CDCP1: variants seen among roughly 807,000 people sequenced by gnomAD.
The protein encoded by CDCP1 is CUB domain-containing protein 1.
In CDCP1, 29 loss-of-function variants were observed where a neutral mutation model predicts 60.2. The observed-to-expected ratio is 0.48, with a 90% CI of 0.36 to 0.66. CDCP1 has a LOEUF of 0.66. Ranked by LOEUF, CDCP1 falls within the 30% of genes least tolerant of loss-of-function variation. CDCP1 has a pLI of 0.00. For missense variants in CDCP1, 876 were observed against 1,074.3 expected (o/e 0.82, Z 2.58); for synonymous variants, 387 against 431.1 (o/e 0.90, Z 1.27).
At chr3:45,117,427 G>C (rs1257387277) in intron 2 of CDCP1, among the ~76,000 whole-genome samples, 3 of 151,902 alleles carry the variant, frequency 2.0e-5, no homozygotes, top group African/African-American at 7.3e-5. Context: ...TTATAGACTA[G>C]AAAACTAAGG....
rs763088292 is a variant in CDCP1 at position 45,118,402 on chromosome 3, G to A, written c.292+10C>T. 37 of 1,596,914 alleles carry A rather than the reference G, an allele frequency of 2.3e-5. 1 individual carries two copies. In the South Asian group the frequency reaches 3.4e-4, roughly 15 times the overall value. ...AGACATTGTCAAACAGCTCACAAGT[G>A]TCTACTTACCAATATTTTTCTGGAT... On this transcript the variant is annotated intron_variant, in intron 2 of 8. Coordinates refer to ENST00000296129, the MANE Select transcript of CDCP1 (RefSeq NM_022842.5).
At chr3:45,117,430 A>T (rs1394742886) in intron 2 of CDCP1, among the ~76,000 whole-genome samples, 1 of 152,134 alleles carries the variant, frequency 6.6e-6, no homozygotes, top group Non-Finnish European at 1.5e-5. Context: ...TAGACTAGAA[A>T]ACTAAGGCAT....
intron 1 of CDCP1, among the ~76,000 whole-genome samples, chr3:45,131,011 C>A (rs554030226): frequency 6.6e-6 from 1 of 152,040 alleles, no homozygotes. Context: ...GGACCACCAG[C>A]GAATGACACC....
chr3:45,083,430 G>A lies in CDCP1; in HGVS notation c.*2208C>T, dbSNP rs1006718950. Reference sequence around the variant, plus strand: ...TTATGCCATGTGAACAAGTTGAGGCGGTGCATTTCCAAGGTGAATTCATTG... The same window carrying A: ...TTATGCCATGTGAACAAGTTGAGGCAGTGCATTTCCAAGGTGAATTCATTG... On this transcript the variant is annotated 3_prime_UTR_variant, in exon 9 of 9. Coordinates refer to ENST00000296129, the MANE Select transcript of CDCP1 (RefSeq NM_022842.5). 10 of 152,250 alleles carry A rather than the reference G, an allele frequency of 6.6e-5. No individual in the cohort carries two copies. The highest frequency in any genetic ancestry group is 1.9e-4 in the East Asian group (1 of 5,184). 9.4% of individuals were successfully genotyped at this position (152,250 alleles called of 1,614,324 possible). A position where few individuals can be genotyped will look rare whatever the true frequency, so the allele number is the denominator to read the frequency against.
intron 1 of CDCP1, among the ~76,000 whole-genome samples, chr3:45,133,405 A>T (rs1168238170): frequency 6.8e-6 from 1 of 148,092 alleles, no homozygotes; most frequent in Admixed American, 6.8e-5. Flanking sequence ...GGCAATTTGT[A>T]TGCAGCAATA....
chr3:45,126,142 C>CTTTCTTTCTTTCTTTCTTTCTT (rs1698986327), intron 1 of CDCP1, among the ~76,000 whole-genome samples: 7 of 140,066 alleles, frequency 5.0e-5, no homozygotes, highest in African/African-American at 1.1e-4. Context: ...TTCTTTCTTT[C>CTTTCTTTCTTTCTTTCTTTCTT]TTTCTTTCTT....
chr3:45,086,723 T>C (rs569233534), intron 8 of CDCP1, among the ~76,000 whole-genome samples: 1 of 152,368 alleles, frequency 6.6e-6, no homozygotes, highest in African/African-American at 2.4e-5. Flanking sequence ...GCCAGAGTTC[T>C]TCAATAACAC....
At chr3:45,138,705 C>T (rs979150561) in intron 1 of CDCP1, among the ~76,000 whole-genome samples, 3 of 151,954 alleles carry the variant, frequency 2.0e-5, no homozygotes, top group African/African-American at 2.4e-5. Context: ...AAAAATTAGC[C>T]GGAGGTGGTG....
intron 8 of CDCP1, among the ~76,000 whole-genome samples, 159 bp from the exon 9 acceptor site, chr3:45,086,226 C>T (rs1157023463): frequency 6.6e-6 from 1 of 152,192 alleles, no homozygotes; most frequent in Non-Finnish European, 1.5e-5. Context: ...AACTACTGTC[C>T]TCAGTGAACA....
chr3:45,093,393 A>G lies in CDCP1; in HGVS notation c.1511T>C (p.Ile504Thr), dbSNP rs1300394326. 5 of 1,613,946 alleles carry G rather than the reference A, an allele frequency of 3.1e-6. No homozygotes were observed. In the African/African-American group the frequency reaches 6.7e-5, roughly 22 times the overall value. Residue 504 changes from isoleucine (I) to threonine (T), a missense_variant, in exon 6 of 9, where the codon ATC becomes ACC. Around this residue, in one of 2 missense-constraint regions of CDCP1, gnomAD observed 726 missense variants for 935.7 expected, o/e 0.78. Coordinates refer to ENST00000296129, the MANE Select transcript of CDCP1 (RefSeq NM_022842.5). Reference sequence around the variant, plus strand: ...GTTCTGCTTCACCTGGATCTGCTTGATAGAGCCTCCCGGGCAGAAGGAGCC... The same window carrying G: ...GTTCTGCTTCACCTGGATCTGCTTGGTAGAGCCTCCCGGGCAGAAGGAGCC... ...YFGSFCPGGS[I>T]KQIQVKQNIS...
At chr3:45,118,336 A>T in intron 2 of CDCP1, 76 bp downstream of exon 2, 1 of 1,087,344 alleles carries the variant, frequency 9.2e-7, no homozygotes, top group East Asian at 2.4e-5. Flanking sequence ...AGACTGACTT[A>T]GCATGGGAAA....
At chr3:45,106,196 C>A (rs1698562632) in intron 4 of CDCP1, among the ~76,000 whole-genome samples, 1 of 152,132 alleles carries the variant, frequency 6.6e-6, no homozygotes, top group Non-Finnish European at 1.5e-5. Flanking sequence ...TTCAAGGTAA[C>A]ACCTGTCTGT....
chr3:45,103,476 T>C (rs1169902398), intron 4 of CDCP1, among the ~76,000 whole-genome samples: 1 of 152,202 alleles, frequency 6.6e-6, no homozygotes, highest in Non-Finnish European at 1.5e-5. Flanking sequence ...GACACATAGT[T>C]TCCTTTCTCT....
intron 4 of CDCP1, among the ~76,000 whole-genome samples, chr3:45,097,508 A>T (rs912443630): frequency 5.5e-5 from 4 of 72,322 alleles, no homozygotes; most frequent in Admixed American, 1.2e-4. Flanking sequence ...TCTTTTGTTT[A>T]AAAAAAAAAA....
Position 45,095,417 on chromosome 3 carries a change from G to A in CDCP1, c.1176C>T (p.Gly392=), listed in dbSNP as rs1470519510. 1.9e-6 allele frequency: 3 copies of A among 1,614,180 alleles called. No individual in the cohort carries two copies. Among genetic ancestry groups the A allele is most frequent in the South Asian group, 2.2e-5 (2 of 91,082 alleles). ...TCSSNLTLTS[G]SKHKISFLCD... is the part of the protein sequence containing the mutation. ...AAAGGAAGGAGATTTTGTGTTTGGA[G>A]CCAGATGTCAGGGTGAGGTTGCTAC... Residue 392 remains glycine (G), a synonymous_variant, in exon 5 of 9, where the codon GGC becomes GGT. Coordinates refer to ENST00000296129, the MANE Select transcript of CDCP1 (RefSeq NM_022842.5).
At chr3:45,130,036 C>CACACACACACAATATG (rs60388208) in intron 1 of CDCP1, among the ~76,000 whole-genome samples, 10,831 of 151,654 alleles carry the variant, frequency 0.071, 855 homozygotes, top group African/African-American at 0.2. Flanking sequence ...ACAAGACACA[C>CACACACACACAATATG]ACACACACAC....
At position 45,091,369 on chromosome 3, in the gene CDCP1, G is replaced by A; in HGVS notation, c.1797C>T (p.Cys599=). The part of the protein sequence containing the change: ...TFFKERSGVV[C]QTGRAFMIIQ... The stretch of plus-strand genomic sequence containing the variant: ...TGATCATGAATGCGCGCCCTGTCTG[G>A]CAGACCACGCCGCTCCGCTCCTTAA... The change falls in exon 7 of 9, where the codon TGC becomes TGT. Residue 599 remains cysteine (C), a synonymous_variant. Transcript: ENST00000296129. This position sits in a 1 kb window ranked among gnomAD's most constrained non-coding sequence, Gnocchi z 4.8. 6.2e-7 allele frequency: 1 copy of A among 1,614,152 alleles called. No individual in the cohort carries two copies. Among genetic ancestry groups the A allele is most frequent in the Non-Finnish European group, 8.5e-7 (1 of 1,180,030 alleles).
intron 4 of CDCP1, among the ~76,000 whole-genome samples, chr3:45,108,665 T>TAC (rs10545061): frequency 3.7e-4 from 52 of 139,108 alleles, no homozygotes; most frequent in African/African-American, 6.7e-4. Context: ...TCTCAATGGA[T>TAC]ACACACACAC....
chr3:45,096,701 A>G (rs536549504), intron 4 of CDCP1, among the ~76,000 whole-genome samples: 1 of 150,042 alleles, frequency 6.7e-6, no homozygotes, highest in East Asian at 2.0e-4. Context: ...CAAGTTGTAG[A>G]TAATATGTAG....
Sources: gnomAD v4.1 joint callset for allele counts (sites outside exome capture counted in the v4.1 genomes callset) on GRCh38, gnomAD v4.1.1 for gene constraint, gnomAD v4.1.1 regional missense constraint, Gnocchi (gnomAD v3.1) non-coding constraint, MANE v1.5 for transcripts, NCBI Gene and HGNC (gene_info 2026-07-23, HGNC 2026-07-21) for gene names.